Variants in GRXCR1 observed in about 807,000 individuals in gnomAD.
GRXCR1 encodes glutaredoxin and cysteine rich domain containing 1, also known as glutaredoxin domain-containing cysteine-rich protein 1.
Under a neutral mutation model 27.3 loss-of-function variants are expected in GRXCR1, and 27 were observed. That is an observed-to-expected ratio of 0.99 (90% CI 0.73 to 1.37). The LOEUF (loss-of-function observed/expected upper bound fraction) is 1.37. Ranked by LOEUF, GRXCR1 falls within the 40% of genes most tolerant of loss-of-function variation. The pLI, the probability that GRXCR1 is intolerant of heterozygous loss-of-function variation, is 0.00. For synonymous variants in GRXCR1, 122 were observed against 131.1 expected (o/e 0.93, Z 0.47); for missense variants, 379 against 354.4 (o/e 1.07, Z -0.56).
chr4:42,990,801 T>C (rs1213485987), intron 2 of GRXCR1, among the ~76,000 whole-genome samples: 1 of 152,126 alleles, frequency 6.6e-6, no homozygotes, highest in Non-Finnish European at 1.5e-5. Context: ...TTCATGGCTC[T>C]TTGGAAAGAA....
At chr4:42,917,145 T>C (rs774413746) in intron 1 of GRXCR1, among the ~76,000 whole-genome samples, 13 of 152,160 alleles carry the variant, frequency 8.5e-5, no homozygotes, top group Non-Finnish European at 7.4e-5. Flanking sequence ...CTGCTGATGG[T>C]TTCCCAATAC....
At chr4:42,997,917 C>G (rs1446828174) in intron 2 of GRXCR1, among the ~76,000 whole-genome samples, 1 of 152,214 alleles carries the variant, frequency 6.6e-6, no homozygotes, top group African/African-American at 2.4e-5. Context: ...AGTACAAACT[C>G]TCTTTTCCAT....
At chr4:43,011,724 T>C (rs115115613) in intron 2 of GRXCR1, among the ~76,000 whole-genome samples, 44 of 152,318 alleles carry the variant, frequency 2.9e-4, no homozygotes, top group Admixed American at 7.2e-4. Flanking sequence ...ATATGACTTG[T>C]TAGTGCTGTA....
intron 2 of GRXCR1, among the ~76,000 whole-genome samples, chr4:43,007,917 C>T (rs566428298): frequency 1.3e-5 from 2 of 152,214 alleles, no homozygotes; most frequent in Admixed American, 6.5e-5. Context: ...CACTTTAAAG[C>T]GTTTTGCCCA....
chr4:42,985,899 A>G (rs1407195280), intron 2 of GRXCR1, among the ~76,000 whole-genome samples: 1 of 152,246 alleles, frequency 6.6e-6, no homozygotes, highest in Non-Finnish European at 1.5e-5. Context: ...AAAAAAATAA[A>G]GGGAAAATGC....
chr4:42,960,173 A>T (rs1393724956), intron 1 of GRXCR1, among the ~76,000 whole-genome samples: 1 of 152,014 alleles, frequency 6.6e-6, no homozygotes, highest in Non-Finnish European at 1.5e-5. Flanking sequence ...GTCCAATCTT[A>T]AATTTTTCCA....
intron 1 of GRXCR1, among the ~76,000 whole-genome samples, chr4:42,913,499 T>C (rs1300283778): frequency 6.6e-6 from 1 of 152,120 alleles, no homozygotes; most frequent in Non-Finnish European, 1.5e-5. Flanking sequence ...AGAGAAATGA[T>C]TTAGATTTAG....
At chr4:42,976,600 G>C (rs1290673153) in intron 2 of GRXCR1, among the ~76,000 whole-genome samples, 2 of 151,528 alleles carry the variant, frequency 1.3e-5, no homozygotes, top group Non-Finnish European at 2.9e-5. Context: ...TCCCATTCTT[G>C]GTACCCTCAT....
chr4:42,974,269 G>A (rs1748455963), intron 2 of GRXCR1, among the ~76,000 whole-genome samples: 1 of 152,110 alleles, frequency 6.6e-6, no homozygotes, highest in South Asian at 2.1e-4. Context: ...TGTGGAAACT[G>A]CATTCTTTGA....
At chr4:42,903,372 C>T (rs1453106042) in intron 1 of GRXCR1, among the ~76,000 whole-genome samples, 2 of 123,676 alleles carry the variant, frequency 1.6e-5, no homozygotes, top group Non-Finnish European at 3.2e-5. Context: ...AGTGCAGTGG[C>T]ATGATCTCGG....
intron 3 of GRXCR1, among the ~76,000 whole-genome samples, chr4:43,026,443 C>T (rs191570668): frequency 1.5e-5 from 2 of 134,654 alleles, no homozygotes; most frequent in African/African-American, 7.8e-5. Flanking sequence ...TGAGGGGGCA[C>T]TGGGGAGCTT....
chr4:42,943,351 C>G (rs912096850), intron 1 of GRXCR1, among the ~76,000 whole-genome samples: 19 of 151,908 alleles, frequency 1.3e-4, no homozygotes, highest in African/African-American at 4.6e-4. Flanking sequence ...CTGTGCCCAC[C>G]CAGCTAGTTT....
intron 1 of GRXCR1, among the ~76,000 whole-genome samples, chr4:42,927,687 T>A (rs920120073): frequency 6.6e-6 from 1 of 151,296 alleles, no homozygotes; most frequent in African/African-American, 2.4e-5. Context: ...AAAAAAAAAA[T>A]AATTCTGCTA....
rs535530009 is a variant in GRXCR1 at position 42,929,034 on chromosome 4, C to T, written c.385-33858C>T. On this transcript the variant is annotated intron_variant, in intron 1 of 3. Transcript: ENST00000399770. ...TATAGAAAATAAAAAAATACATACA[C>T]TACCATCTGAAACTCCAGATATTAC... 7.9e-5 allele frequency among the ~76,000 whole-genome samples: 12 copies of T among 152,068 alleles called. No individual in the cohort carries two copies. In the South Asian group the frequency reaches 2.5e-3, roughly 32 times the overall value.
intron 2 of GRXCR1, among the ~76,000 whole-genome samples, chr4:43,019,615 G>C (rs981155248): frequency 6.6e-6 from 1 of 152,158 alleles, no homozygotes; most frequent in Non-Finnish European, 1.5e-5. Flanking sequence ...ATGGGAAGCA[G>C]CTGGACAGGA....
chr4:42,985,137 T>A (rs1380510673), intron 2 of GRXCR1, among the ~76,000 whole-genome samples: 1 of 152,196 alleles, frequency 6.6e-6, no homozygotes, highest in East Asian at 1.9e-4. Flanking sequence ...GTTCCCTTAG[T>A]TCTTCTGAAG....
chr4:42,938,500 A>T (rs1747511219), intron 1 of GRXCR1, among the ~76,000 whole-genome samples: 1 of 151,848 alleles, frequency 6.6e-6, no homozygotes, highest in African/African-American at 2.4e-5. Flanking sequence ...TTAGTCTTTT[A>T]AGGAACCTCT....
intron 1 of GRXCR1, among the ~76,000 whole-genome samples, chr4:42,899,715 C>T (rs924184603): frequency 6.6e-6 from 1 of 152,138 alleles, no homozygotes; most frequent in African/African-American, 2.4e-5. Context: ...TTAGCACCGA[C>T]TTATCCAAGT....
At chr4:42,964,327 T>C (rs576166133) in intron 2 of GRXCR1, among the ~76,000 whole-genome samples, 34 of 152,028 alleles carry the variant, frequency 2.2e-4, no homozygotes, top group Non-Finnish European at 4.3e-4. Context: ...GTCTTAGAAA[T>C]AAACTTTCAT....
Sources: gnomAD v4.1 joint callset for allele counts (sites outside exome capture counted in the v4.1 genomes callset) on GRCh38, gnomAD v4.1.1 for gene constraint, MANE v1.5 for transcripts, NCBI Gene and HGNC (gene_info 2026-07-23, HGNC 2026-07-21) for gene names.